ROCK1: variants seen among roughly 807,000 people sequenced by gnomAD.
The protein encoded by ROCK1 is rho-associated protein kinase 1.
Under a neutral mutation model 196.8 loss-of-function variants are expected in ROCK1, and 36 were observed. The ratio of observed to expected loss-of-function variants is 0.18; its 90% CI spans 0.14 to 0.24. The LOEUF is 0.24. Ranked by LOEUF, ROCK1 falls within the 10% of genes least tolerant of loss-of-function variation. The pLI, the probability that ROCK1 is intolerant of heterozygous loss-of-function variation, is 1.00. For missense variants in ROCK1, 920 were observed against 1,562.0 expected (o/e 0.59, Z 6.93); for synonymous variants, 443 against 515.9 (o/e 0.86, Z 1.91).
At chr18:21,032,642 C>A (rs2143486023) in intron 9 of ROCK1, among the ~76,000 whole-genome samples, 1 of 150,406 alleles carries the variant, frequency 6.6e-6, no homozygotes, top group South Asian at 2.1e-4. Context: ...GCCTCAGCCT[C>A]TGATGTAGCT....
intron 22 of ROCK1, among the ~76,000 whole-genome samples, chr18:20,973,654 C>A (rs1241001552): frequency 6.6e-6 from 1 of 152,134 alleles, no homozygotes; most frequent in South Asian, 2.1e-4. Flanking sequence ...TCATGATGTC[C>A]ATTTACATCA....
intron 1 of ROCK1, among the ~76,000 whole-genome samples, chr18:21,104,123 A>T (rs1216800361): frequency 6.6e-6 from 1 of 152,176 alleles, no homozygotes; most frequent in Non-Finnish European, 1.5e-5. Context: ...ATATTTCCTG[A>T]TAAGTGGGTT....
At chr18:21,036,039 C>T (rs2036054244) in intron 9 of ROCK1, among the ~76,000 whole-genome samples, 1 of 152,040 alleles carries the variant, frequency 6.6e-6, no homozygotes, top group Admixed American at 6.6e-5. Flanking sequence ...TTAAAAATGC[C>T]CAACATGGGG....
intron 1 of ROCK1, among the ~76,000 whole-genome samples, chr18:21,097,327 G>A (rs114846066): frequency 0.017 from 2,615 of 152,122 alleles, 84 homozygotes; most frequent in African/African-American, 0.06. Context: ...TCAGATTCAG[G>A]GAACATTTCA....
At chr18:20,996,617 T>G (rs568927213) in intron 16 of ROCK1, among the ~76,000 whole-genome samples, 1 of 152,070 alleles carries the variant, frequency 6.6e-6, no homozygotes, top group Non-Finnish European at 1.5e-5. Context: ...GTGGTGGCCA[T>G]AGGGTAATGG....
chr18:21,099,519 G>A (rs2143598348), intron 1 of ROCK1, among the ~76,000 whole-genome samples: 1 of 152,158 alleles, frequency 6.6e-6, no homozygotes, highest in Middle Eastern at 3.4e-3. Context: ...TGTGGTGGGA[G>A]GATCCCTTGA....
intron 22 of ROCK1, among the ~76,000 whole-genome samples, chr18:20,975,161 A>G (rs538255320): frequency 6.6e-5 from 10 of 152,274 alleles, no homozygotes; most frequent in African/African-American, 2.4e-4. Context: ...TTAGGAGGGA[A>G]TAAGTGCTGC....
At chr18:21,041,570 C>A (rs2036106956) in intron 8 of ROCK1, among the ~76,000 whole-genome samples, 1 of 151,990 alleles carries the variant, frequency 6.6e-6, no homozygotes, top group South Asian at 2.1e-4. Flanking sequence ...CAAGATGGAA[C>A]ACCAACTATT....
Position 20,967,734 on chromosome 18 carries a change from C to CTGT in ROCK1, c.3192+17_3192+18insACA. 1 of 1,553,298 alleles carries CTGT rather than the reference C, an allele frequency of 6.4e-7. No homozygotes were observed. The highest frequency in any genetic ancestry group is 1.2e-5 in the South Asian group (1 of 81,064). On this transcript the variant is annotated intron_variant, in intron 26 of 32. Transcript: ENST00000399799. ...ATAATCCTTCACACTCATATCCATA[C>CTGT]ACACACAGAAACCTTACCGCTTGCA... is the stretch of plus-strand genomic sequence containing the variant.
chr18:20,978,776 A>G (rs1291112167), intron 22 of ROCK1, among the ~76,000 whole-genome samples: 1 of 152,228 alleles, frequency 6.6e-6, no homozygotes, highest in Non-Finnish European at 1.5e-5. Flanking sequence ...GTGGGGAGGA[A>G]AGAAGGCATA....
At position 21,111,390 on chromosome 18, in the gene ROCK1, C is replaced by T; in HGVS notation, c.-480G>A. ...GTGCCAGCTGCGGCCGCCGCTCGGG[C>T]CACGGGCCGGGCCCGCTCCGCTCAG... On this transcript the variant is annotated 5_prime_UTR_variant, in exon 1 of 33. Coordinates refer to ENST00000399799, the MANE Select transcript of ROCK1 (RefSeq NM_005406.3). This position sits in a 1 kb window ranked among gnomAD's most constrained non-coding sequence, Gnocchi z 4.2. 4.9e-6 allele frequency: 2 copies of T among 407,532 alleles called. No homozygotes were observed. Among genetic ancestry groups the T allele is most frequent in the Non-Finnish European group, 8.7e-6 (2 of 230,708 alleles). 25.2% of individuals were successfully genotyped at this position (407,532 alleles called of 1,614,324 possible).
At chr18:21,019,723 G>A (rs530647472) in intron 12 of ROCK1, among the ~76,000 whole-genome samples, 13 of 151,686 alleles carry the variant, frequency 8.6e-5, no homozygotes, top group East Asian at 7.8e-4. Context: ...GCGTGAACCC[G>A]GGAGGCGGAG....
At chr18:21,110,150 AAT>A (rs2036737639) in intron 1 of ROCK1, among the ~76,000 whole-genome samples, 2 of 152,214 alleles carry the variant, frequency 1.3e-5, no homozygotes. Flanking sequence ...TACAAGTGAC[AAT>A]GTTAAGTGCC....
chr18:20,997,087 A>G (rs969679215), intron 16 of ROCK1, among the ~76,000 whole-genome samples: 12 of 152,222 alleles, frequency 7.9e-5, no homozygotes, highest in African/African-American at 2.7e-4. Context: ...TGGCAGGAGT[A>G]TGTCCCTACT....
intron 1 of ROCK1, among the ~76,000 whole-genome samples, chr18:21,084,054 G>C (rs1278058416): frequency 6.6e-6 from 1 of 152,062 alleles, no homozygotes; most frequent in Non-Finnish European, 1.5e-5. Flanking sequence ...AAATGGTGCT[G>C]GAAAAACTGC....
At chr18:21,069,787 A>G (rs983569987) in intron 2 of ROCK1, among the ~76,000 whole-genome samples, 2 of 152,126 alleles carry the variant, frequency 1.3e-5, no homozygotes, top group African/African-American at 4.8e-5. Context: ...AGAAATAATT[A>G]AAACTTTTAT....
intron 12 of ROCK1, among the ~76,000 whole-genome samples, chr18:21,016,113 T>C (rs1416650999): frequency 1.3e-5 from 2 of 152,194 alleles, no homozygotes; most frequent in Non-Finnish European, 2.9e-5. Context: ...TTCAAAGTAT[T>C]GATGAGCATA....
At chr18:21,039,716 T>C (rs939708110) in intron 8 of ROCK1, among the ~76,000 whole-genome samples, 153 bp from the exon 9 acceptor site, 1 of 152,082 alleles carries the variant, frequency 6.6e-6, no homozygotes, top group Non-Finnish European at 1.5e-5. Context: ...TCAGCCCAAA[T>C]AGAAAATATG....
At chr18:21,048,628 T>C (rs1266250368) in intron 4 of ROCK1, among the ~76,000 whole-genome samples, 1 of 152,096 alleles carries the variant, frequency 6.6e-6, no homozygotes, top group African/African-American at 2.4e-5. Context: ...CGGCTCACTA[T>C]AGCCTCGACC....
Sources: gnomAD v4.1 joint callset for allele counts (sites outside exome capture counted in the v4.1 genomes callset) on GRCh38, gnomAD v4.1.1 for gene constraint, Gnocchi (gnomAD v3.1) non-coding constraint, MANE v1.5 for transcripts, NCBI Gene and HGNC (gene_info 2026-07-23, HGNC 2026-07-21) for gene names.